The following EBF2 variants were observed in gnomAD, a reference collection of about 807,000 sequenced individuals.
EBF2 encodes EBF transcription factor 2.
Under a neutral mutation model 72.8 loss-of-function variants are expected in EBF2, and 21 were observed. The ratio of observed to expected loss-of-function variants is 0.29; its 90% CI spans 0.20 to 0.42. The LOEUF (loss-of-function observed/expected upper bound fraction) is 0.42, where lower values mean the gene tolerates loss of function less well. Ranked by LOEUF, EBF2 falls within the 10% of genes least tolerant of loss-of-function variation. The probability of loss-of-function intolerance (pLI) is 1.00; values close to 1 mark genes in which losing one functional copy is unlikely to be tolerated. For synonymous variants in EBF2, 299 were observed against 274.2 expected (o/e 1.09, Z -0.89); for missense variants, 637 against 731.2 (o/e 0.87, Z 1.49).
chr8:25,864,977 A>C (rs1391340650), intron 10 of EBF2, among the ~76,000 whole-genome samples: 4 of 151,440 alleles, frequency 2.6e-5, no homozygotes, highest in Non-Finnish European at 5.9e-5. Flanking sequence ...TTTTTTTTGC[A>C]TTTTTAGTAG....
intron 7 of EBF2, among the ~76,000 whole-genome samples, chr8:25,891,136 T>C (rs773040495): frequency 2.0e-5 from 3 of 152,206 alleles, no homozygotes; most frequent in African/African-American, 4.8e-5. Context: ...TGGAGAATCA[T>C]AGTTAACACA....
chr8:25,967,284 G>A (rs181672771), intron 6 of EBF2, among the ~76,000 whole-genome samples: 461 of 152,280 alleles, frequency 3.0e-3, no homozygotes, highest in African/African-American at 0.01. Context: ...AAAGAAAAAC[G>A]GAGCTCTTTT....
rs116061270 is a variant in EBF2, at chr8:26,023,786, G to T, written c.551+9299C>A. Among the ~76,000 whole-genome samples the T allele has an allele frequency of 2.9e-3, 446 of 152,148 alleles. 2 individuals are homozygous for T. Among genetic ancestry groups the T allele is most frequent in the African/African-American group, 9.6e-3 (398 of 41,510 alleles). ...AAGCTTTGGAGTGGTGAGTGTGCTG[G>T]GGGAGGGGAAGCAGGGTGTGAAGAG... On this transcript the variant is annotated intron_variant, in intron 6 of 15. Coordinates refer to ENST00000520164, the MANE Select transcript of EBF2 (RefSeq NM_022659.4).
At chr8:25,995,613 G>A (rs543438839) in intron 6 of EBF2, among the ~76,000 whole-genome samples, 244 of 152,154 alleles carry the variant, frequency 1.6e-3, no homozygotes, top group African/African-American at 4.9e-3. Context: ...CACTGAAAAT[G>A]AATGAATTTT....
intron 6 of EBF2, among the ~76,000 whole-genome samples, chr8:26,020,955 G>T (rs183496091): frequency 9.2e-5 from 14 of 152,340 alleles, no homozygotes; most frequent in Admixed American, 1.3e-4. Context: ...CAAGAAGAGA[G>T]AGTGGAGCTT....
intron 10 of EBF2, among the ~76,000 whole-genome samples, chr8:25,872,733 T>A (rs1419683487): frequency 6.6e-6 from 1 of 152,160 alleles, no homozygotes; most frequent in Non-Finnish European, 1.5e-5. Flanking sequence ...ATCTATATAA[T>A]GTGACTGCCA....
Position 26,024,832 on chromosome 8 carries a change from G to A in EBF2, c.551+8253C>T, listed in dbSNP as rs113661855. On this transcript the variant is annotated intron_variant, in intron 6 of 15. Transcript: ENST00000520164. ...GAATGTATTTAGCACAACAACTTAA[G>A]GGGAGAGGTATTATTAACACCATCA... Among the ~76,000 whole-genome samples the A allele has an allele frequency of 1.2e-3, 190 of 152,230 alleles. 3 individuals are homozygous for A. Among genetic ancestry groups the A allele is most frequent in the African/African-American group, 4.4e-3 (181 of 41,532 alleles).
Position 26,033,722 on chromosome 8 carries a change from G to A in EBF2, c.483-569C>T, listed in dbSNP as rs374045411. ...GTTTACCTGTGTAACAAACCTATAC[G>A]TCCTGCACATGGTCCCCTGAACTTA... On this transcript the variant is annotated intron_variant, in intron 5 of 15. Transcript: ENST00000520164. Among the ~76,000 whole-genome samples the A allele has an allele frequency of 1.3e-4, 19 of 150,344 alleles. No homozygotes were observed. The East Asian group carries it at 3.2e-3, about 25-fold the overall frequency.
At chr8:25,945,362 C>T (rs1005625826) in intron 6 of EBF2, among the ~76,000 whole-genome samples, 1 of 152,078 alleles carries the variant, frequency 6.6e-6, no homozygotes, top group African/African-American at 2.4e-5. Flanking sequence ...TCTGCAACTC[C>T]GTGGGTAGCT....
intron 7 of EBF2, among the ~76,000 whole-genome samples, chr8:25,903,973 G>A (rs1288776927): frequency 6.6e-6 from 1 of 152,174 alleles, no homozygotes; most frequent in Non-Finnish European, 1.5e-5. Context: ...CAGGAACAGA[G>A]AGCATTTGAA....
chr8:25,881,615 G>C (rs13275227), intron 10 of EBF2, among the ~76,000 whole-genome samples: 55,062 of 152,100 alleles, frequency 0.36, 10,562 homozygotes, highest in Middle Eastern at 0.56. Flanking sequence ...GGTAGAGGAA[G>C]GCCTGGTCCC....
At chr8:26,036,970 T>A (rs1279350522) in intron 5 of EBF2, among the ~76,000 whole-genome samples, 1 of 152,104 alleles carries the variant, frequency 6.6e-6, no homozygotes, top group Non-Finnish European at 1.5e-5. Flanking sequence ...TAAGACTGTG[T>A]TCGTAACAAC....
intron 5 of EBF2, among the ~76,000 whole-genome samples, chr8:26,036,146 T>C (rs919098453): frequency 9.2e-5 from 14 of 152,140 alleles, no homozygotes; most frequent in Admixed American, 6.6e-5. Flanking sequence ...CTGTTTAGTT[T>C]GGGTAGGAAT....
chr8:25,921,860 C>T (rs1373117136), intron 6 of EBF2, among the ~76,000 whole-genome samples: 2 of 152,222 alleles, frequency 1.3e-5, no homozygotes, highest in East Asian at 1.9e-4. Context: ...TACACCAGAC[C>T]TGAGCACGCT....
chr8:26,039,342 C>T (rs1805561537), intron 5 of EBF2, among the ~76,000 whole-genome samples: 1 of 152,158 alleles, frequency 6.6e-6, no homozygotes, highest in Non-Finnish European at 1.5e-5. Flanking sequence ...GTAGACTGAA[C>T]CTTTCACGAC....
At chr8:25,998,856 C>G (rs1804677270) in intron 6 of EBF2, among the ~76,000 whole-genome samples, 1 of 152,176 alleles carries the variant, frequency 6.6e-6, no homozygotes, top group South Asian at 2.1e-4. Flanking sequence ...TACAAGAGCA[C>G]AGATGAGTTC....
intron 6 of EBF2, among the ~76,000 whole-genome samples, chr8:26,017,505 C>T (rs779765695): frequency 7.9e-5 from 12 of 152,206 alleles, no homozygotes; most frequent in Non-Finnish European, 1.3e-4. Flanking sequence ...CCAAAACAAA[C>T]GCAGAACCAT....
intron 7 of EBF2, among the ~76,000 whole-genome samples, chr8:25,901,123 T>TA (rs1207718124): frequency 6.6e-6 from 1 of 151,964 alleles, no homozygotes; most frequent in Non-Finnish European, 1.5e-5. Context: ...TATATATCAA[T>TA]AAAAAAAATT....
At chr8:25,982,582 G>GT (rs111606789) in intron 6 of EBF2, among the ~76,000 whole-genome samples, 13,042 of 152,224 alleles carry the variant, frequency 0.086, 1,846 homozygotes, top group African/African-American at 0.29. Flanking sequence ...CTAAAAGGAG[G>GT]TTGGAGAACT....
Sources: allele counts gnomAD v4.1 joint callset (sites outside exome capture counted in the v4.1 genomes callset), GRCh38; gene constraint gnomAD v4.1.1; transcripts MANE v1.5; gene names NCBI Gene and HGNC (gene_info 2026-07-23, HGNC 2026-07-21).